VWF: variants seen among roughly 807,000 people sequenced by gnomAD.
VWF encodes Factor VIII related antigen.
Under a neutral mutation model 308.6 loss-of-function variants are expected in VWF, and 176 were observed. That is an observed-to-expected ratio of 0.57 (90% CI 0.50 to 0.65). VWF has a LOEUF of 0.65. Among genes scored for constraint, VWF ranks in the 30% least tolerant of loss-of-function variants. The pLI, the probability that VWF is intolerant of heterozygous loss-of-function variation, is 0.00. For missense variants in VWF, 3,146 were observed against 3,648.2 expected, an observed-to-expected ratio of 0.86 and a Z score of 3.55; for synonymous variants, 1,385 against 1,443.4, an observed-to-expected ratio of 0.96 and a Z score of 0.92.
At chr12:6,062,238 C>A (rs749753714) in intron 13 of VWF, among the ~76,000 whole-genome samples, 3 of 152,086 alleles carry the variant, frequency 2.0e-5, no homozygotes, top group Non-Finnish European at 4.4e-5. Context: ...AGGCAGAGAA[C>A]TAATCCTCGC....
intron 46 of VWF, 112 bp downstream of exon 46, chr12:5,968,015 G>A: frequency 6.8e-7 from 1 of 1,466,950 alleles, no homozygotes. Flanking sequence ...CTGGGGTTGG[G>A]TCTCTCTGGT....
chr12:6,057,115 G>T lies in VWF; in HGVS notation c.1730-43C>A. ...CGAGCCTGGGATGTGGTGGGGAGGA[G>T]TGGGGGCCACGCCCTCCCGGTCAAC... On this transcript the variant is annotated intron_variant, in intron 14 of 51. Coordinates refer to ENST00000261405, the MANE Select transcript of VWF (RefSeq NM_000552.5). 3 of 1,492,778 alleles carry T rather than the reference G, an allele frequency of 2.0e-6. No individual in the cohort carries two copies. The South Asian group carries it at 3.7e-5, about 18-fold the overall frequency. 92.5% of individuals were successfully genotyped at this position (1,492,778 alleles called of 1,614,324 possible).
chr12:6,092,671 G>A (rs1945061779), intron 6 of VWF, among the ~76,000 whole-genome samples: 1 of 143,866 alleles, frequency 7.0e-6, no homozygotes, highest in African/African-American at 2.5e-5. Flanking sequence ...GTGTGTGTGT[G>A]TGCTGACCAG....
Position 5,966,377 on chromosome 12 carries a change from A to G in VWF, c.7887+1109T>C, listed in dbSNP as rs114768457. Among the ~76,000 whole-genome samples the G allele has an allele frequency of 7.9e-3, 1,207 of 152,268 alleles. 16 individuals are homozygous for G. Among genetic ancestry groups the G allele is most frequent in the African/African-American group, 0.027 (1,136 of 41,550 alleles). On this transcript the variant is annotated intron_variant, in intron 47 of 51. Transcript: ENST00000261405. ...AAAAAATAAGCAAAAGGAAAACCAC[A>G]TACTTACCTTCTTCCTAATTAAGGA...
chr12:6,014,396 G>A (rs1339911630), intron 31 of VWF, among the ~76,000 whole-genome samples: 1 of 152,222 alleles, frequency 6.6e-6, no homozygotes, highest in African/African-American at 2.4e-5. Context: ...AAAGGTGGAA[G>A]CTGGGGTTCC....
rs1944584519 is a variant in VWF at position 6,056,845 on chromosome 12, G to A, written c.1945+12C>T. The A allele has an allele frequency of 7.2e-7, 1 of 1,381,890 alleles. No homozygotes were observed. Among genetic ancestry groups the A allele is most frequent in the Non-Finnish European group, 9.3e-7 (1 of 1,078,466 alleles). 85.6% of individuals were successfully genotyped at this position (1,381,890 alleles called of 1,614,324 possible). On this transcript the variant is annotated intron_variant, in intron 15 of 51. Transcript: ENST00000261405. Reference sequence around the variant, plus strand: ...GGCGGCCCGGAGGGCTGCGGGCAGGGAGGGCACGCACCACAGCGGCCTGGC... The same window carrying A: ...GGCGGCCCGGAGGGCTGCGGGCAGGAAGGGCACGCACCACAGCGGCCTGGC...
chr12:6,070,956 G>C (rs1162750476), intron 10 of VWF, among the ~76,000 whole-genome samples: 1 of 152,210 alleles, frequency 6.6e-6, no homozygotes, highest in Non-Finnish European at 1.5e-5. Context: ...ATTTTCCAAA[G>C]AATGTGTATC....
rs754858994 is a variant in VWF at position 5,953,482 on chromosome 12, C to T, written c.7986+14G>A. 1 of 1,611,024 alleles carries T rather than the reference C, an allele frequency of 6.2e-7. No individual in the cohort carries two copies. The highest frequency in any genetic ancestry group is 8.5e-7 in the Non-Finnish European group (1 of 1,177,138). Reference sequence around the variant, plus strand: ...GTGATATGTGAGGGAGCCCTGCATTCAGCTTGCTCCTACCTTCAGTGTCAT... The same window carrying T: ...GTGATATGTGAGGGAGCCCTGCATTTAGCTTGCTCCTACCTTCAGTGTCAT... On this transcript the variant is annotated intron_variant, in intron 48 of 51. Transcript: ENST00000261405.
At chr12:6,098,846 C>CTT (rs1945131860) in intron 5 of VWF, among the ~76,000 whole-genome samples, 1 of 151,952 alleles carries the variant, frequency 6.6e-6, no homozygotes, top group African/African-American at 2.4e-5. Context: ...GAAAAACAGA[C>CTT]CTGGTGAGTG....
chr12:6,016,675 T>G lies in VWF; in HGVS notation c.5171-19A>C. ...CGAGGCCCTAAACGGAACGAGAAAA[T>G]GCGGATTATTTTGAATCAAGTAGAG... On this transcript the variant is annotated intron_variant, in intron 29 of 51. Coordinates refer to ENST00000261405, the MANE Select transcript of VWF (RefSeq NM_000552.5). The G allele has an allele frequency of 6.2e-7, 1 of 1,614,144 alleles. No homozygotes were observed. The highest frequency in any genetic ancestry group is 8.5e-7 in the Non-Finnish European group (1 of 1,180,026).
chr12:6,082,381 TAAAC>T (rs1944922622), intron 6 of VWF, among the ~76,000 whole-genome samples: 1 of 152,240 alleles, frequency 6.6e-6, no homozygotes, highest in Non-Finnish European at 1.5e-5. Context: ...ATGACCCACA[TAAAC>T]AAAATCTCTT....
chr12:6,019,213 T>C lies in VWF; in HGVS notation c.4205A>G (p.Gln1402Arg), dbSNP rs1182668622. ...RMSRNFVRYVQGLKKKKVIVI... is the reference protein window; with the variant it reads ...RMSRNFVRYVRGLKKKKVIVI... ...AATGACCTTCTTCTTCTTCAGGCCC[T>C]GGACGTAGCGGACAAAGTTCCGGGA... Residue 1402 changes from glutamine (Q) to arginine (R), a missense_variant, in exon 28 of 52, where the codon CAG becomes CGG. Physicochemically the swap from Gln to Arg is conservative, Grantham distance 43. This residue lies in a region of VWF where 853 missense variants were observed against 1,177.8 expected (regional missense o/e 0.72). Coordinates refer to ENST00000261405, the MANE Select transcript of VWF (RefSeq NM_000552.5). This position sits in a 1 kb window ranked among gnomAD's most constrained non-coding sequence, Gnocchi z 5.8. 7 of 1,613,916 alleles carry C rather than the reference T, an allele frequency of 4.3e-6. No homozygotes were observed. The highest frequency in any genetic ancestry group is 5.9e-6 in the Non-Finnish European group (7 of 1,179,842).
At chr12:6,109,683 C>T (rs900629027) in intron 5 of VWF, among the ~76,000 whole-genome samples, 1 of 152,210 alleles carries the variant, frequency 6.6e-6, no homozygotes, top group South Asian at 2.1e-4. Context: ...CGGAGTCTCG[C>T]TCTGTCGCCC....
chr12:5,965,548 G>C (rs1943392813), intron 47 of VWF, among the ~76,000 whole-genome samples: 1 of 152,198 alleles, frequency 6.6e-6, no homozygotes, highest in Non-Finnish European at 1.5e-5. Flanking sequence ...GCAGTCAGCT[G>C]TCAAGCCTCA....
chr12:6,108,193 C>G (rs1202845785), intron 5 of VWF, among the ~76,000 whole-genome samples: 1 of 150,840 alleles, frequency 6.6e-6, no homozygotes, highest in Non-Finnish European at 1.5e-5. Flanking sequence ...ACTCAGGAGG[C>G]TGAGGTAGAA....
At chr12:5,952,205 T>C (rs1208342816) in intron 49 of VWF, 186 bp downstream of exon 49, 1 of 858,650 alleles carries the variant, frequency 1.2e-6, no homozygotes, top group African/African-American at 1.7e-5. Flanking sequence ...TTTTAAAACA[T>C]CCTATATTGC....
chr12:6,119,425 C>CGG (rs1945406480), intron 3 of VWF, among the ~76,000 whole-genome samples: 1 of 152,220 alleles, frequency 6.6e-6, no homozygotes, highest in Admixed American at 6.5e-5. Context: ...CCCAGGGCTC[C>CGG]ATGTCAGGAG....
intron 47 of VWF, among the ~76,000 whole-genome samples, chr12:5,963,279 G>C (rs1180702648): frequency 6.6e-6 from 1 of 152,106 alleles, no homozygotes; most frequent in African/African-American, 2.4e-5. Context: ...AATCATTAAA[G>C]GGCAAACAAC....
chr12:5,999,128 G>A (rs767843301), intron 34 of VWF, among the ~76,000 whole-genome samples: 1 of 152,206 alleles, frequency 6.6e-6, no homozygotes, highest in African/African-American at 2.4e-5. Flanking sequence ...CCTTTGTCAT[G>A]AGCAAGGACA....
Sources: gnomAD v4.1 joint callset for allele counts (sites outside exome capture counted in the v4.1 genomes callset) on GRCh38, gnomAD v4.1.1 for gene constraint, gnomAD v4.1.1 regional missense constraint, Gnocchi (gnomAD v3.1) non-coding constraint, MANE v1.5 for transcripts, NCBI Gene and HGNC (gene_info 2026-07-23, HGNC 2026-07-21) for gene names.